The following RPS6KA2 variants were observed in gnomAD, a reference collection of about 807,000 sequenced individuals.
RPS6KA2 encodes ribosomal protein S6 kinase A2, also known as ribosomal protein S6 kinase alpha-2.
Under a neutral mutation model 91.8 loss-of-function variants are expected in RPS6KA2, and 42 were observed. The ratio of observed to expected loss-of-function variants is 0.46; its 90% confidence interval spans 0.36 to 0.59. The LOEUF (loss-of-function observed/expected upper bound fraction) is 0.59. RPS6KA2 is among the 20% of genes least tolerant of loss of function. The pLI, the probability that RPS6KA2 is intolerant of heterozygous loss-of-function variation, is 0.00. For synonymous variants in RPS6KA2, 414 were observed against 393.6 expected (o/e 1.05, Z -0.61); for missense variants, 798 against 978.5 (o/e 0.82, Z 2.46).
intron 12 of RPS6KA2, among the ~76,000 whole-genome samples, chr6:166,452,724 T>G (rs1282470450): frequency 1.3e-5 from 2 of 152,094 alleles, no homozygotes; most frequent in Non-Finnish European, 2.9e-5. Flanking sequence ...TTTCAATAAA[T>G]GATACCGGGA....
In RPS6KA2 at chr6:166,625,150, G is replaced by C. The variant is rs551738617; in HGVS notation, c.99+1771C>G. On this transcript the variant is annotated intron_variant, in intron 1 of 20. Coordinates refer to ENST00000265678, the MANE Select transcript of RPS6KA2 (RefSeq NM_021135.6). ...CCCGGCCATTATTGACCATCTTAGTGAGACCTCCAGCACCTAGTACGGGAT... is the reference window on the plus strand; with the variant it reads ...CCCGGCCATTATTGACCATCTTAGTCAGACCTCCAGCACCTAGTACGGGAT... Among the ~76,000 whole-genome samples the C allele has an allele frequency of 3.3e-5, 5 of 152,250 alleles. No individual in the cohort carries two copies. In the East Asian group the frequency reaches 9.7e-4, roughly 29 times the overall value.
At chr6:166,787,899 G>A (rs1333361021) in intron 2 of RPS6KA2, among the ~76,000 whole-genome samples, 3 of 150,680 alleles carry the variant, frequency 2.0e-5, no homozygotes, top group Admixed American at 1.3e-4. Flanking sequence ...CCTAAGGAAT[G>A]GGAGAACATA....
At chr6:166,527,688 G>C (rs1354781513) in intron 3 of RPS6KA2, among the ~76,000 whole-genome samples, 1 of 152,158 alleles carries the variant, frequency 6.6e-6, no homozygotes, top group Non-Finnish European at 1.5e-5. Flanking sequence ...AGCAGCTCCA[G>C]ACCTGTCTGC....
At chr6:166,646,519 C>G (rs1313478896) in intron 2 of RPS6KA2, among the ~76,000 whole-genome samples, 1 of 152,258 alleles carries the variant, frequency 6.6e-6, no homozygotes, top group Admixed American at 6.5e-5. Context: ...GACATTGCAT[C>G]TGTGCAGCGC....
At chr6:166,801,753 A>G (rs774220610) in intron 2 of RPS6KA2, among the ~76,000 whole-genome samples, 4 of 152,238 alleles carry the variant, frequency 2.6e-5, no homozygotes, top group Non-Finnish European at 5.9e-5. Context: ...ATATTCATGC[A>G]CATAATTTTC....
intron 10 of RPS6KA2, among the ~76,000 whole-genome samples, chr6:166,483,033 C>T (rs1351118531): frequency 6.6e-6 from 1 of 152,220 alleles, no homozygotes; most frequent in Non-Finnish European, 1.5e-5. Context: ...AGCAGAGATT[C>T]TGGAAAACCA....
At chr6:166,745,448 G>A (rs933520764) in intron 2 of RPS6KA2, among the ~76,000 whole-genome samples, 14 of 152,218 alleles carry the variant, frequency 9.2e-5, no homozygotes, top group East Asian at 3.9e-4. Flanking sequence ...CACTGCACCC[G>A]GCCCTAATCT....
intron 1 of RPS6KA2, among the ~76,000 whole-genome samples, chr6:166,593,400 G>C (rs1445822481): frequency 6.6e-6 from 1 of 152,208 alleles, no homozygotes; most frequent in Non-Finnish European, 1.5e-5. Flanking sequence ...TAAATAGCTA[G>C]TTCTAAAACC....
upstream of RPS6KA2, among the ~76,000 whole-genome samples, chr6:166,630,325 A>G (rs368143601): frequency 4.6e-5 from 7 of 152,374 alleles, no homozygotes; most frequent in African/African-American, 1.7e-4. Context: ...CAAGTACCAC[A>G]AATGTCTGTT....
chr6:166,540,708 G>A (rs1783626419), intron 1 of RPS6KA2, among the ~76,000 whole-genome samples: 1 of 152,078 alleles, frequency 6.6e-6, no homozygotes, highest in Non-Finnish European at 1.5e-5. Flanking sequence ...AGAATTGCAG[G>A]ACCATGCTAG....
chr6:166,647,783 C>T lies in RPS6KA2; in HGVS notation c.124-108999G>A, dbSNP rs1464222259. On this transcript the variant is annotated intron_variant, in intron 2 of 21. Transcript: ENST00000503859. ...ACACACGCACATGCTCATACACACACATGCACATGCTTACACACATACATA... is the reference window on the plus strand; with the variant it reads ...ACACACGCACATGCTCATACACACATATGCACATGCTTACACACATACATA... Among the ~76,000 whole-genome samples the T allele has an allele frequency of 4.0e-5, 6 of 151,418 alleles. No homozygotes were observed. In the East Asian group the frequency reaches 5.8e-4, roughly 15 times the overall value.
intron 12 of RPS6KA2, among the ~76,000 whole-genome samples, chr6:166,455,857 T>C (rs946651489): frequency 1.3e-5 from 2 of 152,258 alleles, no homozygotes; most frequent in African/African-American, 2.4e-5. Context: ...GGCTACATCA[T>C]GGTTTAAGAA....
chr6:166,486,991 T>C (rs920885418), intron 10 of RPS6KA2, among the ~76,000 whole-genome samples: 7 of 152,216 alleles, frequency 4.6e-5, no homozygotes, highest in South Asian at 2.1e-4. Context: ...CAGGCTGTGG[T>C]GTGGACGTTT....
intron 2 of RPS6KA2, among the ~76,000 whole-genome samples, chr6:166,536,575 T>C (rs995785394): frequency 4.6e-5 from 7 of 152,200 alleles, no homozygotes; most frequent in African/African-American, 1.7e-4. Flanking sequence ...CTTTTGAGAA[T>C]AGTATCTCTT....
chr6:166,778,575 G>A (rs903715156), intron 2 of RPS6KA2, among the ~76,000 whole-genome samples: 1 of 152,164 alleles, frequency 6.6e-6, no homozygotes, highest in African/African-American at 2.4e-5. Flanking sequence ...AGACCAGCCT[G>A]GCCAACACGG....
intron 10 of RPS6KA2, among the ~76,000 whole-genome samples, chr6:166,473,109 G>A (rs1172061416): frequency 6.6e-6 from 1 of 152,134 alleles, no homozygotes; most frequent in Non-Finnish European, 1.5e-5. Flanking sequence ...GTCTCCAATT[G>A]CTGTTCTCTG....
In RPS6KA2 at chr6:166,737,913, C is replaced by T. The variant is rs139806117; in HGVS notation, c.123+120287G>A. On this transcript the variant is annotated intron_variant, in intron 2 of 21. Transcript: ENST00000503859. This position sits in a 1 kb window ranked among gnomAD's most constrained non-coding sequence, Gnocchi z 4.3. ...CTCATTGTGAAAGAAATAAAACATACAGAAAAGTATACAAAGTAAAATAAA... is the reference window on the plus strand; with the variant it reads ...CTCATTGTGAAAGAAATAAAACATATAGAAAAGTATACAAAGTAAAATAAA... Among the ~76,000 whole-genome samples, 2 of 152,244 alleles carry T rather than the reference C, an allele frequency of 1.3e-5. No individual in the cohort carries two copies. Among genetic ancestry groups the T allele is most frequent in the East Asian group, 1.9e-4 (1 of 5,186 alleles).
chr6:166,497,444 C>T (rs548835100), intron 8 of RPS6KA2, among the ~76,000 whole-genome samples: 8 of 152,350 alleles, frequency 5.3e-5, no homozygotes, highest in Non-Finnish European at 1.5e-5. Flanking sequence ...AACTGGCTTT[C>T]TGGGTTAGGC....
intron 1 of RPS6KA2, among the ~76,000 whole-genome samples, chr6:166,570,496 A>AC (rs1784656776): frequency 6.6e-6 from 1 of 152,240 alleles, no homozygotes; most frequent in South Asian, 2.1e-4. Flanking sequence ...AGAAATTGCC[A>AC]CCAATACTTA....
Sources: gnomAD v4.1 joint callset for allele counts (sites outside exome capture counted in the v4.1 genomes callset) on GRCh38, gnomAD v4.1.1 for gene constraint, Gnocchi (gnomAD v3.1) non-coding constraint, MANE v1.5 for transcripts, NCBI Gene and HGNC (gene_info 2026-07-23, HGNC 2026-07-21) for gene names.